The following MDGA2 variants were observed in gnomAD, a reference collection of about 807,000 sequenced individuals.
MDGA2 encodes the protein MAM domain-containing glycosylphosphatidylinositol anchor protein 2.
Under a neutral mutation model 117.8 loss-of-function variants are expected in MDGA2, and 40 were observed. That is an observed-to-expected ratio of 0.34 (90% CI 0.26 to 0.44). The LOEUF (loss-of-function observed/expected upper bound fraction) is 0.44. MDGA2 is among the 20% of genes least tolerant of loss of function. MDGA2 has a pLI of 1.00. For missense variants in MDGA2, 1,123 were observed against 1,250.6 expected, an observed-to-expected ratio of 0.90 and a Z score of 1.54; for synonymous variants, 452 against 439.0, an observed-to-expected ratio of 1.03 and a Z score of -0.37.
chr14:47,451,003 GC>G (rs1893230370), intron 1 of MDGA2, among the ~76,000 whole-genome samples: 1 of 152,018 alleles, frequency 6.6e-6, no homozygotes, highest in Non-Finnish European at 1.5e-5. Flanking sequence ...AGTAACCATG[GC>G]TCACCACAAA....
At chr14:47,201,230 C>G (rs2139443194) in intron 3 of MDGA2, 1 of 503,012 alleles carries the variant, frequency 2.0e-6, no homozygotes, top group East Asian at 4.1e-5. Context: ...TTACATGATT[C>G]CTGCTACCAA....
intron 1 of MDGA2, among the ~76,000 whole-genome samples, chr14:47,457,600 A>C (rs1031147977): frequency 6.6e-6 from 1 of 152,162 alleles, no homozygotes; most frequent in Admixed American, 6.5e-5. Flanking sequence ...CCTCAATATG[A>C]CTTGTATTCT....
intron 8 of MDGA2, among the ~76,000 whole-genome samples, chr14:47,030,113 A>AC (rs959543898): frequency 6.6e-6 from 1 of 151,798 alleles, no homozygotes; most frequent in Non-Finnish European, 1.5e-5. Flanking sequence ...GGTGTGAGCC[A>AC]CCCCCCGCCC....
rs17118680 is a variant in MDGA2, at chr14:47,444,306, C to T, written c.281-142756G>A. The T allele has an allele frequency of 6.6e-3, 1,046 of 157,732 alleles. 15 individuals are homozygous for T. The highest frequency in any genetic ancestry group is 0.024 in the African/African-American group (1,002 of 41,724). 9.8% of individuals were successfully genotyped at this position (157,732 alleles called of 1,614,324 possible). A position where few individuals can be genotyped will look rare whatever the true frequency, so the allele number is the denominator to read the frequency against. ...ACATGTTTAACCTGCCTGAGGGATTCGCAGCTCTTTTCCCAGCTGTGTAAT... is the reference window on the plus strand; with the variant it reads ...ACATGTTTAACCTGCCTGAGGGATTTGCAGCTCTTTTCCCAGCTGTGTAAT... On this transcript the variant is annotated intron_variant, in intron 1 of 16. Coordinates refer to ENST00000399232, the MANE Select transcript of MDGA2 (RefSeq NM_001113498.3).
At chr14:47,598,376 G>C (rs752229495) in intron 1 of MDGA2, among the ~76,000 whole-genome samples, 8 of 152,130 alleles carry the variant, frequency 5.3e-5, no homozygotes, top group Non-Finnish European at 7.4e-5. Context: ...TTGTACACTG[G>C]TGTTTGTAGC....
intron 1 of MDGA2, among the ~76,000 whole-genome samples, chr14:47,588,233 G>T (rs12888322): frequency 0.31 from 24,661 of 80,398 alleles, 3,251 homozygotes; most frequent in African/African-American, 0.39. Flanking sequence ...CTTGGAGATA[G>T]ATAGATATAT....
At chr14:46,985,597 G>A (rs1262734432) in intron 8 of MDGA2, among the ~76,000 whole-genome samples, 1 of 152,028 alleles carries the variant, frequency 6.6e-6, no homozygotes, top group Non-Finnish European at 1.5e-5. Flanking sequence ...CCAAACAACA[G>A]TAGAAAAATC....
At chr14:47,601,400 TA>T (rs374840795) in intron 1 of MDGA2, among the ~76,000 whole-genome samples, 1 of 151,344 alleles carries the variant, frequency 6.6e-6, no homozygotes, top group Non-Finnish European at 1.5e-5. Flanking sequence ...CAAATTTTTT[TA>T]AAAAAAAATC....
At chr14:47,672,115 T>C (rs1004017949) in intron 1 of MDGA2, among the ~76,000 whole-genome samples, 1 of 152,202 alleles carries the variant, frequency 6.6e-6, no homozygotes, top group African/African-American at 2.4e-5. Context: ...TGCTGAAGAT[T>C]AGGGGCCTAA....
chr14:47,407,489 T>G (rs765947652), intron 1 of MDGA2, among the ~76,000 whole-genome samples: 9 of 152,202 alleles, frequency 5.9e-5, no homozygotes, highest in Non-Finnish European at 1.3e-4. Context: ...GAATTCTTTA[T>G]AGAATTCCAT....
At chr14:46,867,846 T>G (rs1881837040) in intron 14 of MDGA2, among the ~76,000 whole-genome samples, 1 of 152,036 alleles carries the variant, frequency 6.6e-6, no homozygotes, top group Admixed American at 6.6e-5. Context: ...TATGTGACAC[T>G]TTTGCTTTTC....
At chr14:46,918,535 T>C (rs1595043698) in intron 10 of MDGA2, among the ~76,000 whole-genome samples, 1 of 152,182 alleles carries the variant, frequency 6.6e-6, no homozygotes, top group East Asian at 1.9e-4. Context: ...GATGTTAATA[T>C]AGATTTCGGT....
chr14:46,980,684 A>G (rs1353901997), intron 8 of MDGA2, among the ~76,000 whole-genome samples: 1 of 152,168 alleles, frequency 6.6e-6, no homozygotes, highest in African/African-American at 2.4e-5. Flanking sequence ...AGTAACCACC[A>G]CCGCATTGAG....
chr14:47,561,141 GTT>G (rs745347174), intron 1 of MDGA2, among the ~76,000 whole-genome samples: 1 of 52,148 alleles, frequency 1.9e-5, no homozygotes, highest in Non-Finnish European at 4.2e-5. Context: ...CTCTATCTTT[GTT>G]TTTTTTTTTG....
At chr14:47,078,981 C>A (rs1284039544) in intron 6 of MDGA2, among the ~76,000 whole-genome samples, 1 of 151,450 alleles carries the variant, frequency 6.6e-6, no homozygotes, top group Non-Finnish European at 1.5e-5. Context: ...CACCATTCTA[C>A]TTTCTACTTT....
intron 9 of MDGA2, among the ~76,000 whole-genome samples, chr14:46,956,400 G>A (rs1885562659): frequency 1.3e-5 from 2 of 151,738 alleles, no homozygotes; most frequent in South Asian, 2.1e-4. Flanking sequence ...TAATACAGAG[G>A]GAATGTTTAA....
intron 2 of MDGA2, among the ~76,000 whole-genome samples, chr14:47,261,023 A>G (rs1026792081): frequency 7.2e-5 from 11 of 152,220 alleles, no homozygotes; most frequent in Admixed American, 2.0e-4. Flanking sequence ...GAATGGCATA[A>G]AAGTTGAGCA....
intron 4 of MDGA2, among the ~76,000 whole-genome samples, chr14:47,143,058 C>G (rs2139198176): frequency 6.6e-6 from 1 of 152,182 alleles, no homozygotes; most frequent in East Asian, 1.9e-4. Flanking sequence ...GGATCTCAGG[C>G]CTTAGTTTAC....
intron 6 of MDGA2, among the ~76,000 whole-genome samples, chr14:47,077,359 C>G (rs1371789935): frequency 6.6e-6 from 1 of 152,072 alleles, no homozygotes; most frequent in African/African-American, 2.4e-5. Context: ...GCTACGCTGC[C>G]TCTTTTGTGA....
Sources: allele counts gnomAD v4.1 joint callset (sites outside exome capture counted in the v4.1 genomes callset), GRCh38; gene constraint gnomAD v4.1.1; transcripts MANE v1.5; gene names NCBI Gene and HGNC (gene_info 2026-07-23, HGNC 2026-07-21).